UBAP2: variants seen among roughly 807,000 people sequenced by gnomAD.
UBAP2 encodes the protein ubiquitin associated protein 2.
A neutral mutation model predicts 139.6 loss-of-function variants in UBAP2; 75 were observed. That is an observed-to-expected ratio of 0.54 (90% CI 0.45 to 0.65). The LOEUF (loss-of-function observed/expected upper bound fraction) is 0.65, where lower values mean the gene tolerates loss of function less well. Among genes scored for constraint, UBAP2 ranks in the 30% least tolerant of loss-of-function variants. UBAP2 has a pLI of 0.00. For synonymous variants in UBAP2, 526 were observed against 526.2 expected, an observed-to-expected ratio of 1.00 and a Z score of 0.01; for missense variants, 1,368 against 1,369.6, an observed-to-expected ratio of 1.00 and a Z score of 0.02.
rs375060716 is a variant in UBAP2, at chr9:33,944,537, G to C, written c.1373C>G (p.Ser458Cys). The change falls in exon 14 of 29, where the codon TCC (serine) becomes TGC (cysteine). Residue 458 changes from serine (S) to cysteine (C), a missense_variant. By Grantham distance (112) the Ser-to-Cys change is moderately radical. Transcript: ENST00000379238. ...TCGAAGTTTTGCCTGGGAAGGAAAG[G>C]ACTCCAAACCAGGAGGAGGAACAGT... is the stretch of plus-strand genomic sequence containing the variant. ...AVTVPPPGLE[S>C]FPSQAKLRES... The C allele has an allele frequency of 6.2e-7, 1 of 1,614,050 alleles. No homozygotes were observed. Among genetic ancestry groups the C allele is most frequent in the African/African-American group, 1.3e-5 (1 of 74,910 alleles).
chr9:34,007,160 A>G (rs568856867), intron 2 of UBAP2, among the ~76,000 whole-genome samples: 1 of 152,180 alleles, frequency 6.6e-6, no homozygotes, highest in South Asian at 2.1e-4. Flanking sequence ...AGACCCCTTT[A>G]TTTCCTTCTC....
intron 4 of UBAP2, among the ~76,000 whole-genome samples, chr9:33,991,006 C>T (rs776865936): frequency 2.0e-5 from 3 of 152,172 alleles, no homozygotes; most frequent in African/African-American, 4.8e-5. Context: ...ACAACGTGGC[C>T]GAGCACACTG....
intron 12 of UBAP2, among the ~76,000 whole-genome samples, chr9:33,951,645 C>T (rs2130967748): frequency 6.6e-6 from 1 of 152,222 alleles, no homozygotes; most frequent in South Asian, 2.1e-4. Context: ...CCGCGCCCAG[C>T]TCCCAGTGAT....
At chr9:33,995,660 A>C (rs924928078) in intron 4 of UBAP2, 1 of 144,978 alleles carries the variant, frequency 6.9e-6, no homozygotes, top group African/African-American at 2.5e-5. Flanking sequence ...ATAATATATA[A>C]ATATAAATAT....
intron 17 of UBAP2, 174 bp downstream of exon 17, chr9:33,935,665 G>T: frequency 1.4e-6 from 1 of 706,684 alleles, no homozygotes. Context: ...CTGTGGTTAA[G>T]ACATTTCTAA....
At chr9:34,038,746 C>A (rs913626971) in intron 1 of UBAP2, among the ~76,000 whole-genome samples, 4 of 151,580 alleles carry the variant, frequency 2.6e-5, no homozygotes, top group Non-Finnish European at 5.9e-5. Flanking sequence ...GGCCGCCCAT[C>A]GTCTGGGATG....
intron 16 of UBAP2, among the ~76,000 whole-genome samples, chr9:33,936,547 G>A (rs1178096672): frequency 2.0e-5 from 3 of 152,060 alleles, no homozygotes; most frequent in Non-Finnish European, 2.9e-5. Context: ...ACCCACCTCA[G>A]CCTCCCAAAA....
chr9:33,924,390 C>G, intron 22 of UBAP2, 106 bp from the exon 23 acceptor site: 2 of 1,118,038 alleles, frequency 1.8e-6, no homozygotes, highest in Non-Finnish European at 2.7e-6. Context: ...AAACAGACTC[C>G]ATGCCTGAGA....
rs776429535 is a variant in UBAP2, at chr9:33,924,212, A to C, written c.2584T>G (p.Tyr862Asp). 8.7e-6 allele frequency: 14 copies of C among 1,614,192 alleles called. No individual in the cohort carries two copies. The highest frequency in any genetic ancestry group is 1.2e-5 in the Non-Finnish European group (14 of 1,180,012). ...SRDGSLANNP[Y>D]PGDVTKFGRG... ...ATCCATTGAGCAAACTCACCTGGAT[A>C]TGGATTATTAGCTAGGCTCCCATCT... The change falls in exon 23 of 29, where the codon TAT (tyrosine) becomes GAT (aspartate). Residue 862 changes from tyrosine (Y) to aspartate (D), a missense_variant. Physicochemically the swap from Tyr to Asp is radical, Grantham distance 160. Transcript: ENST00000379238.
chr9:33,973,756 A>T (rs907047872), intron 6 of UBAP2, among the ~76,000 whole-genome samples: 9 of 152,362 alleles, frequency 5.9e-5, no homozygotes, highest in Non-Finnish European at 1.2e-4. Flanking sequence ...ACTGAAGAGC[A>T]AAGGCCTAAA....
At chr9:34,037,960 A>T (rs1417845877) in intron 1 of UBAP2, among the ~76,000 whole-genome samples, 1 of 148,786 alleles carries the variant, frequency 6.7e-6, no homozygotes, top group East Asian at 2.0e-4. Context: ...CAGAAGTTGA[A>T]GACCAGCCTG....
chr9:33,959,000 T>C (rs1042840994), intron 10 of UBAP2, among the ~76,000 whole-genome samples: 3 of 151,686 alleles, frequency 2.0e-5, no homozygotes, highest in Non-Finnish European at 4.4e-5. Flanking sequence ...AATACAAACA[T>C]TGGCCAGGCA....
rs761341970 is a variant in UBAP2, at chr9:33,953,357, C to A, written c.984G>T (p.Ser328=). Residue 328 remains serine, a synonymous_variant, in exon 12 of 29, where the codon TCG becomes TCT. Transcript: ENST00000379238. ...CTGGTGCCATCTGATTGTTGTGTTGCGAATTTGTGAAGACAAGGGCTTGGC... is the reference window on the plus strand; with the variant it reads ...CTGGTGCCATCTGATTGTTGTGTTGAGAATTTGTGAAGACAAGGGCTTGGC... ...GFGQALVFTN[S]QHNNQMAPGT... 11 of 1,613,976 alleles carry A rather than the reference C, an allele frequency of 6.8e-6. No individual in the cohort carries two copies. The highest frequency in any genetic ancestry group is 9.3e-6 in the Non-Finnish European group (11 of 1,180,018).
intron 1 of UBAP2, among the ~76,000 whole-genome samples, chr9:34,044,945 T>C (rs1402108438): frequency 1.3e-5 from 2 of 152,206 alleles, no homozygotes; most frequent in African/African-American, 4.8e-5. Context: ...GTGAGCCCTA[T>C]TTCATACTTC....
At chr9:34,047,459 G>A (rs904858183) in intron 1 of UBAP2, among the ~76,000 whole-genome samples, 2 of 150,590 alleles carry the variant, frequency 1.3e-5, no homozygotes, top group Admixed American at 1.3e-4. Flanking sequence ...TGTAGGATAC[G>A]GGAGAGCTTA....
chr9:34,034,318 T>A (rs1826138691), intron 1 of UBAP2, among the ~76,000 whole-genome samples: 1 of 152,222 alleles, frequency 6.6e-6, no homozygotes, highest in Non-Finnish European at 1.5e-5. Context: ...TATCAAGTCC[T>A]GGTTTTTCTT....
At position 34,018,591 on chromosome 9, in the gene UBAP2, C is replaced by T. The variant is rs6476430; in HGVS notation, c.-41-1402G>A. On this transcript the variant is annotated intron_variant, in intron 1 of 28. Transcript: ENST00000379238. Reference sequence around the variant, plus strand: ...TAAGAGTGCCATTATTGGCCGGGCACGGTCACTCACGCCTGTAATCCCAGC... The same window carrying T: ...TAAGAGTGCCATTATTGGCCGGGCATGGTCACTCACGCCTGTAATCCCAGC... Among the ~76,000 whole-genome samples the T allele has an allele frequency of 8.2e-3, 1,256 of 152,328 alleles. 14 individuals are homozygous for T. The highest frequency in any genetic ancestry group is 0.028 in the African/African-American group (1,151 of 41,574).
At chr9:34,016,194 GAAGGAAGAGGAGGAA>G (rs1824249410) in intron 2 of UBAP2, among the ~76,000 whole-genome samples, 2 of 68,846 alleles carry the variant, frequency 2.9e-5, no homozygotes, top group Non-Finnish European at 7.5e-5. Flanking sequence ...AGGAGGAATA[GAAGGAAGAGGAGGAA>G]TAGGAGGAAG....
In UBAP2 at chr9:34,016,210, T is replaced by TAGGAGGAAGAGG. The variant is rs1370395062; in HGVS notation, c.99+828_99+839dup. On this transcript the variant is annotated intron_variant, in intron 2 of 28. Coordinates refer to ENST00000379238, the MANE Select transcript of UBAP2 (RefSeq NM_001370062.2). ...GGAGGAATAGAAGGAAGAGGAGGAA[T>TAGGAGGAAGAGG]AGGAGGAAGAGGAGGAGGAAGAGGA... 1.1e-4 allele frequency among the ~76,000 whole-genome samples: 6 copies of TAGGAGGAAGAGG among 55,948 alleles called. No homozygotes were observed. In the East Asian group the frequency reaches 6.1e-3, roughly 57 times the overall value. The allele number at this position is 55,948 out of a possible 152,430, so 36.7% of individuals were successfully genotyped here. A position where few individuals can be genotyped will look rare whatever the true frequency, so the allele number is the denominator to read the frequency against.
Sources: gnomAD v4.1 joint callset for allele counts (sites outside exome capture counted in the v4.1 genomes callset) on GRCh38, gnomAD v4.1.1 for gene constraint, MANE v1.5 for transcripts, NCBI Gene and HGNC (gene_info 2026-07-23, HGNC 2026-07-21) for gene names.